The following CSTPP1 variants were observed in gnomAD, a reference collection of about 807,000 sequenced individuals.
The protein encoded by CSTPP1 is UPF0705 protein C11orf49.
the CSTPP1 span, among the ~76,000 whole-genome samples, chr11:47,107,558 C>T: frequency 6.6e-6 from 1 of 151,866 alleles, no homozygotes; most frequent in African/African-American, 2.4e-5. Flanking sequence ...GGTTTTTTGC[C>T]TCTATTTGGC....
At chr11:47,117,036 G>A in the CSTPP1 span, among the ~76,000 whole-genome samples, 67 of 152,234 alleles carry the variant, frequency 4.4e-4, no homozygotes, top group African/African-American at 1.5e-3. Flanking sequence ...GTCTTTGCAC[G>A]TGAGATGGGT....
the CSTPP1 span, among the ~76,000 whole-genome samples, chr11:46,949,056 C>T: frequency 6.6e-6 from 1 of 151,942 alleles, no homozygotes; most frequent in African/African-American, 2.4e-5. Context: ...TTGCCACCTA[C>T]CTCACAGGAA....
the CSTPP1 span, among the ~76,000 whole-genome samples, chr11:46,969,717 A>G: frequency 6.6e-6 from 1 of 152,218 alleles, no homozygotes; most frequent in African/African-American, 2.4e-5. Flanking sequence ...TTATGCTGCA[A>G]TGAGAATTAA....
the CSTPP1 span, among the ~76,000 whole-genome samples, chr11:46,958,752 G>A: frequency 1.1e-5 from 1 of 90,552 alleles, no homozygotes; most frequent in Non-Finnish European, 3.6e-5. Context: ...GAGTTCATAG[G>A]CTTGAGAAGG....
At chr11:46,954,303 C>T in the CSTPP1 span, among the ~76,000 whole-genome samples, 1 of 152,106 alleles carries the variant, frequency 6.6e-6, no homozygotes, top group South Asian at 2.1e-4. Context: ...AATCCTAGCA[C>T]GTTGGGAGGC....
At chr11:46,954,146 A>C in the CSTPP1 span, among the ~76,000 whole-genome samples, 1 of 152,250 alleles carries the variant, frequency 6.6e-6, no homozygotes, top group Non-Finnish European at 1.5e-5. Context: ...AAAGTTGACT[A>C]TGGGAATTGG....
the CSTPP1 span, chr11:47,122,988 C>T: frequency 6.6e-6 from 1 of 152,078 alleles, no homozygotes; most frequent in Non-Finnish European, 1.5e-5. Flanking sequence ...CATTCTTTTC[C>T]CTATGCAAAT....
chr11:47,134,858 G>T, the CSTPP1 span, among the ~76,000 whole-genome samples: 3 of 152,164 alleles, frequency 2.0e-5, no homozygotes, highest in Non-Finnish European at 2.9e-5. Context: ...GCAACAGCCA[G>T]GCTCATGCCT....
At chr11:46,972,973 C>G in the CSTPP1 span, among the ~76,000 whole-genome samples, 1 of 152,154 alleles carries the variant, frequency 6.6e-6, no homozygotes, top group Non-Finnish European at 1.5e-5. Flanking sequence ...TGCCCTACCA[C>G]TTAACAACTG....
chr11:47,122,091 A>AATATATATATATATATATATATAT, the CSTPP1 span, among the ~76,000 whole-genome samples: 2 of 31,840 alleles, frequency 6.3e-5, no homozygotes, highest in African/African-American at 1.9e-4. Flanking sequence ...AAAAAAAAAA[A>AATATATATATATATATATATATAT]ATATATATAT....
the CSTPP1 span, among the ~76,000 whole-genome samples, chr11:46,965,768 T>G: frequency 6.6e-6 from 1 of 152,102 alleles, no homozygotes; most frequent in Non-Finnish European, 1.5e-5. Context: ...AATTGCCTTT[T>G]CAGGTATTTA....
At chr11:47,161,929 A>T in the CSTPP1 span, 27 of 1,173,226 alleles carry the variant, frequency 2.3e-5, no homozygotes, top group East Asian at 1.3e-3. Flanking sequence ...TAGTCCTCCT[A>T]ACCTCTTAAG....
the CSTPP1 span, among the ~76,000 whole-genome samples, chr11:47,122,069 C>CAAAAAA: frequency 5.0e-3 from 110 of 21,986 alleles, 12 homozygotes; most frequent in Non-Finnish European, 6.6e-3. Flanking sequence ...GACCCTGTCT[C>CAAAAAA]AAAAAAAAAA....
chr11:47,090,448 A>G, the CSTPP1 span, among the ~76,000 whole-genome samples: 1 of 152,004 alleles, frequency 6.6e-6, no homozygotes, highest in African/African-American at 2.4e-5. Context: ...TCTATCAAAT[A>G]TTAAAATGTC....
the CSTPP1 span, among the ~76,000 whole-genome samples, chr11:47,105,536 T>C: frequency 6.6e-6 from 1 of 152,090 alleles, no homozygotes; most frequent in Non-Finnish European, 1.5e-5. Context: ...AAAGAAACAG[T>C]AAGTACAGCT....
chr11:47,094,002 G>C, the CSTPP1 span, among the ~76,000 whole-genome samples: 1,630 of 152,290 alleles, frequency 0.011, 24 homozygotes, highest in African/African-American at 0.036. Flanking sequence ...TGATGATGTA[G>C]CATGTGACCT....
chr11:47,076,452 T>A, the CSTPP1 span, among the ~76,000 whole-genome samples: 1 of 152,170 alleles, frequency 6.6e-6, no homozygotes, highest in African/African-American at 2.4e-5. Context: ...AGTTTTTTAG[T>A]ACCTCGCACC....
the CSTPP1 span, among the ~76,000 whole-genome samples, chr11:46,939,373 G>A: frequency 1.3e-5 from 2 of 152,000 alleles, no homozygotes; most frequent in African/African-American, 4.8e-5. Flanking sequence ...ACAGGCGTGA[G>A]CCACCGCGCC....
At chr11:47,115,971 CTCTACACACTGCTT>C in the CSTPP1 span, among the ~76,000 whole-genome samples, 1 of 152,190 alleles carries the variant, frequency 6.6e-6, no homozygotes, top group East Asian at 1.9e-4. Context: ...ATAAATTTCC[CTCTACACACTGCTT>C]TAAATGTGTC....
Sources: allele counts gnomAD v4.1 joint callset (sites outside exome capture counted in the v4.1 genomes callset), GRCh38; gene constraint gnomAD v4.1.1; transcripts MANE v1.5; gene names NCBI Gene and HGNC (gene_info 2026-07-23, HGNC 2026-07-21).